The following EYS variants were observed in gnomAD, a reference collection of about 807,000 sequenced individuals.
EYS encodes EGF-like photoreceptor maintenance factor, also known as protein eyes shut homolog.
EYS carries 250 observed loss-of-function variants against 282.1 expected under a neutral mutation model. The ratio of observed to expected loss-of-function variants is 0.89; its 90% CI spans 0.80 to 0.98. The LOEUF (loss-of-function observed/expected upper bound fraction) is 0.98, where lower values mean the gene tolerates loss of function less well. EYS is among the 50% of genes least tolerant of loss of function. The probability of loss-of-function intolerance (pLI) is 0.00; values close to 1 mark genes in which losing one functional copy is unlikely to be tolerated. For missense variants in EYS, 4,016 were observed against 3,709.0 expected (o/e 1.08, Z -2.15); for synonymous variants, 1,355 against 1,282.9 (o/e 1.06, Z -1.20).
At chr6:64,965,224 T>G (rs918719529) in intron 14 of EYS, among the ~76,000 whole-genome samples, 11 of 152,230 alleles carry the variant, frequency 7.2e-5, no homozygotes, top group Admixed American at 6.5e-4. Flanking sequence ...TCCTAGGAGT[T>G]TGAAATACTT....
intron 30 of EYS, among the ~76,000 whole-genome samples, chr6:64,260,007 C>T (rs1767535886): frequency 6.6e-6 from 1 of 151,814 alleles, no homozygotes; most frequent in African/African-American, 2.4e-5. Flanking sequence ...GACATTTAGC[C>T]ATCTGAAGTA....
chr6:64,814,824 C>G (rs1024544186), intron 21 of EYS, among the ~76,000 whole-genome samples: 4 of 151,956 alleles, frequency 2.6e-5, no homozygotes, highest in African/African-American at 9.7e-5. Flanking sequence ...CTTACATTCT[C>G]AAGGATAATT....
chr6:64,832,633 A>C (rs1286907590), intron 19 of EYS, among the ~76,000 whole-genome samples: 3 of 151,942 alleles, frequency 2.0e-5, no homozygotes, highest in Non-Finnish European at 4.4e-5. Context: ...ACATACACAC[A>C]AAAAAGAATA....
At chr6:63,952,871 C>T (rs961269957) in intron 35 of EYS, among the ~76,000 whole-genome samples, 2 of 152,150 alleles carry the variant, frequency 1.3e-5, no homozygotes, top group Non-Finnish European at 2.9e-5. Flanking sequence ...GCCAATATCC[C>T]ATCCCACAGC....
At chr6:64,532,651 G>C (rs1764387887) in intron 26 of EYS, among the ~76,000 whole-genome samples, 1 of 152,286 alleles carries the variant, frequency 6.6e-6, no homozygotes, top group Non-Finnish European at 1.5e-5. Flanking sequence ...GGAGTTTGCA[G>C]TGAGCTGAGA....
Position 64,442,957 on chromosome 6 carries a change from A to G in EYS, c.5645-3605T>C, listed in dbSNP as rs186826941. 2.1e-4 allele frequency among the ~76,000 whole-genome samples: 31 copies of G among 148,874 alleles called. No individual in the cohort carries two copies. The East Asian group carries it at 5.9e-3, about 28-fold the overall frequency. ...TCCCTACTGGGGCACTGCCTAGTGG[A>G]GTTGTGAGAAGAGGACCACCATTCT... is the stretch of plus-strand genomic sequence containing the variant. On this transcript the variant is annotated intron_variant, in intron 26 of 42. Transcript: ENST00000503581.
chr6:65,244,007 T>C (rs1444151092), intron 12 of EYS, among the ~76,000 whole-genome samples: 2 of 152,202 alleles, frequency 1.3e-5, no homozygotes, highest in Non-Finnish European at 2.9e-5. Context: ...TCTTTATCAT[T>C]GTCATAGTCC....
intron 31 of EYS, among the ~76,000 whole-genome samples, chr6:64,151,355 A>ATATATATATATATATATATG (rs1774722841): frequency 1.1e-5 from 1 of 90,398 alleles, no homozygotes; most frequent in African/African-American, 5.0e-5. Flanking sequence ...ATATATATAT[A>ATATATATATATATATATATG]TATATATAAT....
intron 36 of EYS, chr6:63,857,812 C>T: frequency 5.0e-6 from 1 of 198,182 alleles, no homozygotes. Flanking sequence ...GGAGGATACA[C>T]AAAAAATATC....
intron 31 of EYS, among the ~76,000 whole-genome samples, chr6:64,089,252 C>T (rs116787439): frequency 0.023 from 3,467 of 150,678 alleles, 112 homozygotes; most frequent in African/African-American, 0.07. Context: ...TTTATAAGTC[C>T]ATGTATCTCC....
intron 2 of EYS, among the ~76,000 whole-genome samples, chr6:65,509,122 A>G (rs1410043347): frequency 6.6e-6 from 1 of 152,222 alleles, no homozygotes; most frequent in Non-Finnish European, 1.5e-5. Flanking sequence ...AACGTACTAT[A>G]AACAGAAAGA....
At chr6:64,335,330 T>C (rs896998841) in intron 29 of EYS, among the ~76,000 whole-genome samples, 1 of 146,442 alleles carries the variant, frequency 6.8e-6, no homozygotes, top group Non-Finnish European at 1.5e-5. Context: ...ACCTTATCTA[T>C]ACTCCCCAAC....
chr6:64,028,019 C>T (rs1354670896), intron 33 of EYS, among the ~76,000 whole-genome samples: 3 of 152,222 alleles, frequency 2.0e-5, no homozygotes, highest in Non-Finnish European at 4.4e-5. Context: ...ATTTCTCCCA[C>T]CTTCTCAGTT....
intron 29 of EYS, among the ~76,000 whole-genome samples, chr6:64,312,697 C>A (rs1582580537): frequency 6.6e-6 from 1 of 152,184 alleles, no homozygotes; most frequent in Non-Finnish European, 1.5e-5. Context: ...AGACAGAAAT[C>A]TTTGCTGTTC....
chr6:65,498,473 T>C (rs1363427925), intron 2 of EYS, among the ~76,000 whole-genome samples: 1 of 151,944 alleles, frequency 6.6e-6, no homozygotes, highest in Non-Finnish European at 1.5e-5. Context: ...TGAAGCAAAA[T>C]TAGGCCTATG....
At chr6:64,281,870 T>A (rs1055937814) in intron 30 of EYS, among the ~76,000 whole-genome samples, 3 of 152,088 alleles carry the variant, frequency 2.0e-5, no homozygotes, top group African/African-American at 7.2e-5. Context: ...GTAAGAAGAT[T>A]GGAGGGTTTT....
At chr6:64,991,423 T>A (rs1562290696) in intron 14 of EYS, among the ~76,000 whole-genome samples, 1 of 151,652 alleles carries the variant, frequency 6.6e-6, no homozygotes, top group African/African-American at 2.4e-5. Flanking sequence ...TAATAACTAC[T>A]GATGATGTTG....
chr6:65,142,479 AACACACACACACACACACACAC>A (rs71268364), intron 12 of EYS, among the ~76,000 whole-genome samples: 1 of 134,930 alleles, frequency 7.4e-6, no homozygotes, highest in Non-Finnish European at 1.6e-5. Flanking sequence ...AGAAATACAA[AACACACACACACACACACACAC>A]ACACACACAC....
At chr6:65,678,561 T>C (rs140190930) in intron 1 of EYS, among the ~76,000 whole-genome samples, 84 of 152,026 alleles carry the variant, frequency 5.5e-4, no homozygotes, top group African/African-American at 1.8e-3. Context: ...ATTTTATGAA[T>C]ATGACACAAA....
Sources: allele counts gnomAD v4.1 joint callset (sites outside exome capture counted in the v4.1 genomes callset), GRCh38; gene constraint gnomAD v4.1.1; transcripts MANE v1.5; gene names NCBI Gene and HGNC (gene_info 2026-07-23, HGNC 2026-07-21).